The following SGK3 variants were observed in gnomAD, a reference collection of about 807,000 sequenced individuals.
SGK3 encodes the protein serum/glucocorticoid regulated kinase family member 3, also known as serine/threonine-protein kinase Sgk3.
A neutral mutation model predicts 68.5 loss-of-function variants in SGK3; 47 were observed. The observed-to-expected ratio is 0.69, with a 90% confidence interval of 0.54 to 0.87. SGK3 has a LOEUF of 0.87. Among genes scored for constraint, SGK3 ranks in the 40% least tolerant of loss-of-function variants. SGK3 has a pLI of 0.00. For synonymous variants in SGK3, 181 were observed against 189.1 expected, an observed-to-expected ratio of 0.96 and a Z score of 0.35; for missense variants, 479 against 575.5, an observed-to-expected ratio of 0.83 and a Z score of 1.72.
intron 1 of SGK3, among the ~76,000 whole-genome samples, chr8:66,764,272 A>G (rs1806253851): frequency 1.3e-5 from 2 of 151,930 alleles, no homozygotes; most frequent in African/African-American, 2.4e-5. Context: ...CTTTGAGTTT[A>G]TTCCACTAGG....
At chr8:66,796,797 C>T (rs531942888) in intron 2 of SGK3, among the ~76,000 whole-genome samples, 13 of 152,146 alleles carry the variant, frequency 8.5e-5, no homozygotes, top group East Asian at 7.7e-4. Flanking sequence ...ACAAGAGTGA[C>T]GTTAACCCTA....
intron 1 of SGK3, among the ~76,000 whole-genome samples, chr8:66,719,164 A>G (rs1804727251): frequency 6.6e-6 from 1 of 152,184 alleles, no homozygotes; most frequent in African/African-American, 2.4e-5. Flanking sequence ...CTCTAATTTT[A>G]TCTACAGAGA....
At chr8:66,752,787 A>G (rs946237425) in intron 1 of SGK3, among the ~76,000 whole-genome samples, 1 of 152,100 alleles carries the variant, frequency 6.6e-6, no homozygotes, top group Admixed American at 6.6e-5. Flanking sequence ...AGACAAGGAC[A>G]TTGCTTGGGG....
intron 1 of SGK3, among the ~76,000 whole-genome samples, chr8:66,792,346 AAAG>A (rs1269155914): frequency 1.4e-4 from 22 of 151,932 alleles, no homozygotes; most frequent in Admixed American, 2.6e-4. Context: ...AAAAAAAAAA[AAAG>A]AAATCTTTTT....
chr8:66,775,582 A>C (rs925742959), intron 1 of SGK3: 2 of 152,326 alleles, frequency 1.3e-5, no homozygotes, highest in African/African-American at 4.8e-5. Context: ...GGTCCGAGAC[A>C]GAAAACGTTT....
At chr8:66,817,730 TTCTC>T (rs1364581828) in intron 5 of SGK3, among the ~76,000 whole-genome samples, 1 of 152,164 alleles carries the variant, frequency 6.6e-6, no homozygotes, top group African/African-American at 2.4e-5. Context: ...ATGTTAGTAT[TTCTC>T]TCATCTCTGG....
intron 6 of SGK3, among the ~76,000 whole-genome samples, chr8:66,822,670 G>A (rs1278223298): frequency 6.6e-6 from 1 of 152,106 alleles, no homozygotes; most frequent in Non-Finnish European, 1.5e-5. Flanking sequence ...CCAGGCTGGA[G>A]TGCAGTGGCA....
intron 1 of SGK3, among the ~76,000 whole-genome samples, chr8:66,749,932 G>GGT (rs139702561): frequency 0.19 from 28,211 of 144,736 alleles, 2,794 homozygotes; most frequent in East Asian, 0.27. Flanking sequence ...TAGTTTCTAG[G>GGT]GTGTGTGTGT....
intron 1 of SGK3, among the ~76,000 whole-genome samples, chr8:66,715,448 G>A (rs1027441481): frequency 1.3e-5 from 2 of 152,058 alleles, no homozygotes; most frequent in African/African-American, 2.4e-5. Flanking sequence ...AGTAGAGACA[G>A]GGTTTCACCA....
chr8:66,832,893 G>T (rs934697321), intron 8 of SGK3, among the ~76,000 whole-genome samples: 7 of 149,566 alleles, frequency 4.7e-5, no homozygotes, highest in South Asian at 2.1e-4. Context: ...ATGAAAACTG[G>T]TTTTTTTGTT....
At chr8:66,791,410 C>T (rs1439424043) in intron 1 of SGK3, among the ~76,000 whole-genome samples, 2 of 152,154 alleles carry the variant, frequency 1.3e-5, no homozygotes, top group African/African-American at 4.8e-5. Context: ...AATTGCCAAA[C>T]TGGAACCTTT....
intron 7 of SGK3, among the ~76,000 whole-genome samples, chr8:66,829,390 G>C (rs1658211901): frequency 6.6e-6 from 1 of 152,226 alleles, no homozygotes; most frequent in Admixed American, 6.5e-5. Context: ...ATAGGCAGAT[G>C]GGAGAAGTGG....
intron 1 of SGK3, among the ~76,000 whole-genome samples, chr8:66,758,006 C>T (rs1194813812): frequency 7.1e-6 from 1 of 141,716 alleles, no homozygotes; most frequent in Non-Finnish European, 1.5e-5. Flanking sequence ...TATACACACA[C>T]ACACTACACA....
intron 12 of SGK3, 82 bp from the exon 13 acceptor site, chr8:66,840,940 TCA>T (rs778228143): frequency 2.3e-6 from 2 of 869,334 alleles, no homozygotes; most frequent in South Asian, 2.2e-5. Flanking sequence ...AGACTCTGTT[TCA>T]AAAAAAAAAA....
intron 1 of SGK3, among the ~76,000 whole-genome samples, chr8:66,757,129 ATTTT>A (rs796848968): frequency 1.9e-5 from 2 of 107,048 alleles, no homozygotes; most frequent in Non-Finnish European, 4.0e-5. Context: ...CTCAGGCCCT[ATTTT>A]TTTTTTTTTT....
rs374764386 is a variant in SGK3, at chr8:66,758,011, T to TACACACACACACACACACAC, written c.-121-35598_-121-35579dup. On this transcript the variant is annotated intron_variant, in intron 1 of 16. Coordinates refer to ENST00000521198, the MANE Select transcript of SGK3 (RefSeq NM_001033578.3). The stretch of plus-strand genomic sequence containing the variant: ...TATGTATATATATACACACACACAC[T>TACACACACACACACACACAC]ACACACACACACACACACACACACA... 9.1e-3 allele frequency among the ~76,000 whole-genome samples: 1,222 copies of TACACACACACACACACACAC among 133,654 alleles called. 7 individuals are homozygous for TACACACACACACACACACAC. The highest frequency in any genetic ancestry group is 0.027 in the Middle Eastern group (7 of 256). 87.7% of individuals were successfully genotyped at this position (133,654 alleles called of 152,430 possible).
chr8:66,774,373 G>A (rs1489674680), intron 1 of SGK3, among the ~76,000 whole-genome samples: 1 of 152,064 alleles, frequency 6.6e-6, no homozygotes, highest in African/African-American at 2.4e-5. Context: ...ATGAGGTCCA[G>A]GCTGGCCTGG....
At chr8:66,781,654 T>G (rs1806987926) in intron 1 of SGK3, among the ~76,000 whole-genome samples, 1 of 152,244 alleles carries the variant, frequency 6.6e-6, no homozygotes, top group South Asian at 2.1e-4. Flanking sequence ...TCTTGGACAC[T>G]CTTCTCAAGT....
chr8:66,804,380 A>G lies in SGK3; in HGVS notation c.186A>G (p.Lys62=), dbSNP rs745932450. 6 of 1,607,734 alleles carry G rather than the reference A, an allele frequency of 3.7e-6. No homozygotes were observed. The highest frequency in any genetic ancestry group is 5.1e-6 in the Non-Finnish European group (6 of 1,178,310). ...AEFDKLYNTL[K]KQFPAMALKI... ...GTTATTTTTAAAAATTTTAGTTAAA[A>G]AAACAGTTTCCTGCTATGGCCCTGA... The change falls in exon 4 of 17, where the codon AAA becomes AAG. Residue 62 remains lysine (K), a synonymous_variant. Transcript: ENST00000521198.
Sources: allele counts gnomAD v4.1 joint callset (sites outside exome capture counted in the v4.1 genomes callset), GRCh38; gene constraint gnomAD v4.1.1; transcripts MANE v1.5; gene names NCBI Gene and HGNC (gene_info 2026-07-23, HGNC 2026-07-21).